HDAC9: variants seen among roughly 807,000 people sequenced by gnomAD.
HDAC9 encodes the protein histone deacetylase 9.
In HDAC9, 41 loss-of-function variants were observed where a neutral mutation model predicts 139.4. The ratio of observed to expected loss-of-function variants is 0.29; its 90% CI spans 0.23 to 0.38. The LOEUF is 0.38. Ranked by LOEUF, HDAC9 falls within the 10% of genes least tolerant of loss-of-function variation. The pLI, the probability that HDAC9 is intolerant of heterozygous loss-of-function variation, is 1.00. For missense variants in HDAC9, 1,147 were observed against 1,297.0 expected, an observed-to-expected ratio of 0.88 and a Z score of 1.78; for synonymous variants, 517 against 476.2, an observed-to-expected ratio of 1.09 and a Z score of -1.12.
At chr7:18,554,316 A>G (rs1818076270) in intron 2 of HDAC9, among the ~76,000 whole-genome samples, 1 of 141,308 alleles carries the variant, frequency 7.1e-6, no homozygotes, top group Non-Finnish European at 1.5e-5. Context: ...ACCAACTGGT[A>G]TTACAGATCA....
At chr7:18,921,270 G>T (rs545253476) in intron 22 of HDAC9, among the ~76,000 whole-genome samples, 4 of 152,088 alleles carry the variant, frequency 2.6e-5, no homozygotes, top group Non-Finnish European at 5.9e-5. Flanking sequence ...CACAGCAAAC[G>T]AAACCACCAT....
chr7:18,268,975 C>G (rs190348257), intron 2 of HDAC9, among the ~76,000 whole-genome samples: 1 of 152,174 alleles, frequency 6.6e-6, no homozygotes, highest in Non-Finnish European at 1.5e-5. Context: ...GGTACAATCT[C>G]ATTTTATACA....
intron 1 of HDAC9, among the ~76,000 whole-genome samples, chr7:18,106,451 A>T: frequency 6.7e-6 from 1 of 148,690 alleles, no homozygotes; most frequent in Non-Finnish European, 1.5e-5. Flanking sequence ...TTATCCATGC[A>T]CACATTTCTT....
intron 6 of HDAC9, among the ~76,000 whole-genome samples, chr7:18,616,833 C>A (rs1726604): frequency 0.023 from 3,505 of 152,190 alleles, 134 homozygotes; most frequent in African/African-American, 0.08. Context: ...TCCATGGTAC[C>A]TGAATGTATC....
intron 2 of HDAC9, among the ~76,000 whole-genome samples, chr7:18,271,773 C>A (rs1403215732): frequency 2.6e-5 from 4 of 152,180 alleles, no homozygotes; most frequent in South Asian, 4.1e-4. Context: ...ATGGAGAACC[C>A]TCCTTTGATA....
intron 2 of HDAC9, among the ~76,000 whole-genome samples, chr7:18,576,965 C>G (rs1325326477): frequency 6.6e-6 from 1 of 152,182 alleles, no homozygotes; most frequent in Non-Finnish European, 1.5e-5. Flanking sequence ...GAGAGAGACT[C>G]TTTTCCATTA....
intron 14 of HDAC9, among the ~76,000 whole-genome samples, chr7:18,749,684 A>G (rs1788281281): frequency 6.6e-6 from 1 of 152,208 alleles, no homozygotes; most frequent in South Asian, 2.1e-4. Context: ...GGTGAATACC[A>G]TTTTTATTTG....
At position 18,539,644 on chromosome 7, in the gene HDAC9, C is replaced by G. The variant is rs547937601; in HGVS notation, c.22+43320C>G. On this transcript the variant is annotated intron_variant, in intron 2 of 25. Coordinates refer to ENST00000686413, the MANE Select transcript of HDAC9 (RefSeq NM_178425.4). ...CTATCTTGAAAACTTTTCTGAAAAT[C>G]TGAAATTATTCCAAACAAAAAGTTT... 3.3e-5 allele frequency among the ~76,000 whole-genome samples: 5 copies of G among 152,152 alleles called. No individual in the cohort carries two copies. The East Asian group carries it at 7.7e-4, about 24-fold the overall frequency.
chr7:18,156,720 T>A (rs1787232759), intron 1 of HDAC9, among the ~76,000 whole-genome samples: 1 of 152,178 alleles, frequency 6.6e-6, no homozygotes, highest in African/African-American at 2.4e-5. Context: ...GTCTAACATA[T>A]GTGATGTTAT....
intron 2 of HDAC9, among the ~76,000 whole-genome samples, chr7:18,575,355 C>G (rs1177342405): frequency 6.6e-6 from 1 of 151,986 alleles, no homozygotes; most frequent in Admixed American, 6.5e-5. Flanking sequence ...GAAAAAAAAT[C>G]TTAGCTTAGC....
chr7:18,517,286 C>G (rs937151003), intron 2 of HDAC9, among the ~76,000 whole-genome samples: 10 of 152,164 alleles, frequency 6.6e-5, no homozygotes, highest in African/African-American at 2.4e-4. Flanking sequence ...TCTGTTCTTA[C>G]AAACGATAAA....
chr7:18,121,757 C>G (rs1209550231), intron 1 of HDAC9, among the ~76,000 whole-genome samples: 1 of 152,152 alleles, frequency 6.6e-6, no homozygotes, highest in Non-Finnish European at 1.5e-5. Flanking sequence ...CTTATACTAA[C>G]AAGAGTCTTA....
chr7:18,945,153 A>G (rs1782286823), intron 23 of HDAC9, among the ~76,000 whole-genome samples: 1 of 152,238 alleles, frequency 6.6e-6, no homozygotes, highest in South Asian at 2.1e-4. Context: ...TACCAGTGGC[A>G]TACAAGTGTT....
At chr7:18,332,519 C>G (rs920272546) in intron 1 of HDAC9, among the ~76,000 whole-genome samples, 2 of 151,336 alleles carry the variant, frequency 1.3e-5, no homozygotes, top group Non-Finnish European at 3.0e-5. Flanking sequence ...TGAGTATATT[C>G]CGTAATTGGT....
At chr7:18,950,665 G>A (rs1382450965) in intron 23 of HDAC9, among the ~76,000 whole-genome samples, 2 of 151,936 alleles carry the variant, frequency 1.3e-5, no homozygotes, top group Admixed American at 6.6e-5. Context: ...TAGTAAATAA[G>A]AATATTTGTG....
At chr7:18,322,044 C>A (rs969740384) in intron 1 of HDAC9, among the ~76,000 whole-genome samples, 1 of 152,130 alleles carries the variant, frequency 6.6e-6, no homozygotes, top group African/African-American at 2.4e-5. Flanking sequence ...CCATGTCACT[C>A]GGCCTTCTCA....
chr7:18,176,625 A>G (rs1027428622), intron 2 of HDAC9, among the ~76,000 whole-genome samples: 2 of 152,208 alleles, frequency 1.3e-5, no homozygotes, highest in Non-Finnish European at 2.9e-5. Flanking sequence ...GTATACAGCT[A>G]TGAAAATTCT....
At chr7:18,320,382 AT>A (rs915883284) in intron 1 of HDAC9, among the ~76,000 whole-genome samples, 1 of 152,116 alleles carries the variant, frequency 6.6e-6, no homozygotes, top group African/African-American at 2.4e-5. Context: ...ACAAGCTCTT[AT>A]TTTTCAGGAC....
At chr7:18,494,463 A>T (rs1284805336), upstream of HDAC9, among the ~76,000 whole-genome samples, 1 of 152,000 alleles carries the variant, frequency 6.6e-6, no homozygotes, top group Admixed American at 6.6e-5. Flanking sequence ...GATGCCTTAG[A>T]ATTACATTTT....
Sources: allele counts gnomAD v4.1 joint callset (sites outside exome capture counted in the v4.1 genomes callset), GRCh38; gene constraint gnomAD v4.1.1; transcripts MANE v1.5; gene names NCBI Gene and HGNC (gene_info 2026-07-23, HGNC 2026-07-21).